Variants in CNTN1 observed in about 807,000 individuals in gnomAD.
The protein encoded by CNTN1 is contactin 1.
CNTN1 carries 38 observed loss-of-function variants against 126.4 expected under a neutral mutation model. The ratio of observed to expected loss-of-function variants is 0.30; its 90% confidence interval spans 0.23 to 0.39. CNTN1 has a LOEUF of 0.39. Ranked by LOEUF, CNTN1 falls within the 10% of genes least tolerant of loss-of-function variation. The pLI, the probability that CNTN1 is intolerant of heterozygous loss-of-function variation, is 1.00. For synonymous variants in CNTN1, 413 were observed against 422.6 expected, an observed-to-expected ratio of 0.98 and a Z score of 0.28; for missense variants, 1,009 against 1,248.4, an observed-to-expected ratio of 0.81 and a Z score of 2.89.
intron 1 of CNTN1, among the ~76,000 whole-genome samples, chr12:40,755,585 G>A (rs372094928): frequency 6.6e-6 from 1 of 151,882 alleles, no homozygotes; most frequent in African/African-American, 2.4e-5. Context: ...TGGGCTTGGT[G>A]TTACAATCCC....
chr12:40,850,560 T>C (rs1303943500), intron 1 of CNTN1, among the ~76,000 whole-genome samples: 1 of 152,144 alleles, frequency 6.6e-6, no homozygotes, highest in East Asian at 1.9e-4. Context: ...AAAAAGCTTT[T>C]AGAAGATGCA....
At chr12:41,033,821 G>A (rs180713509) in intron 23 of CNTN1, among the ~76,000 whole-genome samples, 314 of 151,132 alleles carry the variant, frequency 2.1e-3, no homozygotes, top group Middle Eastern at 0.01. Flanking sequence ...AGCGGATCGC[G>A]AGGTCAGGAG....
chr12:40,722,007 A>T (rs1942230771), intron 1 of CNTN1, among the ~76,000 whole-genome samples: 1 of 151,736 alleles, frequency 6.6e-6, no homozygotes, highest in African/African-American at 2.4e-5. Flanking sequence ...TGCCGCAATA[A>T]ACATACGTGT....
intron 21 of CNTN1, among the ~76,000 whole-genome samples, chr12:41,026,541 C>T (rs574591010): frequency 8.2e-4 from 125 of 152,276 alleles, no homozygotes; most frequent in Non-Finnish European, 1.4e-3. Flanking sequence ...TAGGCAGAGC[C>T]TTAAGGTTCT....
At chr12:40,711,142 G>C (rs1017801510) in intron 1 of CNTN1, among the ~76,000 whole-genome samples, 2 of 151,996 alleles carry the variant, frequency 1.3e-5, no homozygotes, top group African/African-American at 4.8e-5. Context: ...TGGTGCTGTG[G>C]ATCTCAACTT....
At chr12:40,935,373 C>A (rs1382867552) in intron 9 of CNTN1, among the ~76,000 whole-genome samples, 1 of 151,932 alleles carries the variant, frequency 6.6e-6, no homozygotes, top group African/African-American at 2.4e-5. Flanking sequence ...TTTGAACTGT[C>A]TAATATCTAA....
At chr12:41,026,886 A>G (rs1949048407) in intron 21 of CNTN1, among the ~76,000 whole-genome samples, 5 of 152,152 alleles carry the variant, frequency 3.3e-5, no homozygotes. Context: ...AGTCAAGGAG[A>G]GAATTGATAG....
At chr12:41,009,783 AAGAT>A (rs1948599819) in intron 17 of CNTN1, among the ~76,000 whole-genome samples, 1 of 152,150 alleles carries the variant, frequency 6.6e-6, no homozygotes, top group Non-Finnish European at 1.5e-5. Flanking sequence ...TGGGATCCTT[AAGAT>A]GGATCTGGAC....
At chr12:40,748,041 C>T (rs916328505) in intron 1 of CNTN1, among the ~76,000 whole-genome samples, 3 of 151,896 alleles carry the variant, frequency 2.0e-5, no homozygotes, top group Non-Finnish European at 2.9e-5. Flanking sequence ...TGTAGGCAGT[C>T]GTATTAAATG....
chr12:40,720,191 A>G (rs988756084), intron 1 of CNTN1, among the ~76,000 whole-genome samples: 1 of 151,936 alleles, frequency 6.6e-6, no homozygotes, highest in Non-Finnish European at 1.5e-5. Context: ...TGACTAGTCT[A>G]AGAATTAGAC....
intron 1 of CNTN1, among the ~76,000 whole-genome samples, chr12:40,693,308 C>A (rs1325135776): frequency 6.6e-6 from 1 of 152,210 alleles, no homozygotes; most frequent in Non-Finnish European, 1.5e-5. Context: ...ACGGGAACCA[C>A]CTTCACACCT....
chr12:40,920,848 C>G (rs555921983), intron 4 of CNTN1, among the ~76,000 whole-genome samples: 2 of 152,252 alleles, frequency 1.3e-5, no homozygotes, highest in Admixed American at 6.5e-5. Flanking sequence ...GAAACTAGAC[C>G]AGTGAACTTC....
chr12:41,039,016 A>G (rs1949334712), intron 23 of CNTN1, among the ~76,000 whole-genome samples: 1 of 152,220 alleles, frequency 6.6e-6, no homozygotes, highest in Non-Finnish European at 1.5e-5. Flanking sequence ...TTCAAGGAAC[A>G]GCAAGGAGAC....
chr12:40,954,851 T>G (rs1228848613), intron 14 of CNTN1, among the ~76,000 whole-genome samples: 1 of 152,148 alleles, frequency 6.6e-6, no homozygotes, highest in Non-Finnish European at 1.5e-5. Flanking sequence ...CTGACTGCTC[T>G]GATGTGTGAC....
At chr12:40,878,245 C>T (rs1433317922) in intron 1 of CNTN1, among the ~76,000 whole-genome samples, 4 of 151,560 alleles carry the variant, frequency 2.6e-5, no homozygotes, top group Non-Finnish European at 4.4e-5. Flanking sequence ...GATCGCCGGC[C>T]TCAGCCTCCC....
chr12:40,808,423 T>C (rs11835222), intron 1 of CNTN1, among the ~76,000 whole-genome samples: 4 of 152,066 alleles, frequency 2.6e-5, no homozygotes, highest in Non-Finnish European at 5.9e-5. Flanking sequence ...TCATCGAACA[T>C]CATATAATTG....
At chr12:40,722,480 T>C (rs1942241232) in intron 1 of CNTN1, among the ~76,000 whole-genome samples, 1 of 152,184 alleles carries the variant, frequency 6.6e-6, no homozygotes, top group Admixed American at 6.5e-5. Context: ...AAGGTCTCTA[T>C]TAGATATTGT....
At chr12:40,741,460 AAG>A (rs1445897393) in intron 1 of CNTN1, among the ~76,000 whole-genome samples, 2 of 152,076 alleles carry the variant, frequency 1.3e-5, no homozygotes, top group Non-Finnish European at 2.9e-5. Context: ...ACACCACAAA[AAG>A]AAATAAAAGT....
At position 40,920,543 on chromosome 12, in the gene CNTN1, G is replaced by C. The variant is rs535753895; in HGVS notation, c.228-1713G>C. 2.6e-5 allele frequency among the ~76,000 whole-genome samples: 4 copies of C among 152,176 alleles called. No homozygotes were observed. The South Asian group carries it at 8.3e-4, about 32-fold the overall frequency. On this transcript the variant is annotated intron_variant, in intron 4 of 23. Coordinates refer to ENST00000551295, the MANE Select transcript of CNTN1 (RefSeq NM_001843.4). ...AAGAACAGAAAAAAAATCAGCTCAT[G>C]ATGGAAATAGTTTGATGGAAAAGAA...
Sources: allele counts gnomAD v4.1 joint callset (sites outside exome capture counted in the v4.1 genomes callset), GRCh38; gene constraint gnomAD v4.1.1; transcripts MANE v1.5; gene names NCBI Gene and HGNC (gene_info 2026-07-23, HGNC 2026-07-21).